The following EEF2 variants were observed in gnomAD, a reference collection of about 807,000 sequenced individuals.
The protein encoded by EEF2 is eukaryotic translation elongation factor 2, also known as elongation factor 2.
EEF2 carries 21 observed loss-of-function variants against 85.3 expected under a neutral mutation model. The observed-to-expected ratio is 0.25, with a 90% CI of 0.17 to 0.35. The LOEUF (loss-of-function observed/expected upper bound fraction) is 0.35, where lower values mean the gene tolerates loss of function less well. EEF2 is among the 10% of genes least tolerant of loss of function. The pLI is 1.00. For synonymous variants in EEF2, 723 were observed against 508.8 expected, an observed-to-expected ratio of 1.42 and a Z score of -5.67; for missense variants, 825 against 1,225.3, an observed-to-expected ratio of 0.67 and a Z score of 4.88.
chr19:3,978,674 A>C (rs1244443414), intron 11 of EEF2, among the ~76,000 whole-genome samples: 2 of 151,670 alleles, frequency 1.3e-5, no homozygotes, highest in African/African-American at 4.8e-5. Context: ...GCATGATGGC[A>C]GGCGCCTGAA....
rs2039753241 is a variant in EEF2, at chr19:3,981,892, A to G, written c.897+55T>C. ...CGACAGGCTACCGGCCGGAGCCCAC[A>G]GGGCCGAGGGCCAATAGTCGCATCG... is the stretch of plus-strand genomic sequence containing the variant. On this transcript the variant is annotated intron_variant, in intron 6 of 14. Transcript: ENST00000309311. 8 of 1,543,338 alleles carry G rather than the reference A, an allele frequency of 5.2e-6. No individual in the cohort carries two copies. The South Asian group carries it at 6.7e-5, about 13-fold the overall frequency.
chr19:3,978,854 G>A (rs1359984063), intron 11 of EEF2, among the ~76,000 whole-genome samples: 1 of 142,728 alleles, frequency 7.0e-6, no homozygotes, highest in Non-Finnish European at 1.5e-5. Context: ...AGGCATGGTG[G>A]CTCACACCTG....
Position 3,976,676 on chromosome 19 carries a change from T to G in EEF2, c.2455A>C (p.Ile819Leu). Residue 819 changes from isoleucine to leucine, a missense_variant, in exon 15 of 15, where the codon ATC becomes CTC. Ile to Leu is a conservative substitution (Grantham distance 5). Transcript: ENST00000309311. ...FPQCVFDHWQILPGDPFDNSS... is the reference protein window; with the variant it reads ...FPQCVFDHWQLLPGDPFDNSS... ...TTGTCGAAGGGGTCTCCGGGCAGGA[T>G]CTGCCAGTGGTCAAACACACACTGG... The G allele has an allele frequency of 4.4e-6, 7 of 1,608,682 alleles. No homozygotes were observed. The highest frequency in any genetic ancestry group is 5.9e-6 in the Non-Finnish European group (7 of 1,178,674).
Position 3,980,969 on chromosome 19 carries a change from C to T in EEF2, c.1022G>A (p.Arg341His). The stretch of plus-strand genomic sequence containing the variant: ...GGCGTCTCCGGCAGGCAGCCAGCGG[C>T]GCATCACAGCCTGCGGGGGCAGAGA... ...EGKPLLKAVM[R>H]RWLPAGDALL... Residue 341 changes from arginine to histidine, a missense_variant, in exon 8 of 15, where the codon CGC (arginine) becomes CAC (histidine). Arg to His is a conservative substitution (Grantham distance 29). Coordinates refer to ENST00000309311, the MANE Select transcript of EEF2 (RefSeq NM_001961.4). The T allele has an allele frequency of 6.4e-7, 1 of 1,572,800 alleles. No individual in the cohort carries two copies. The highest frequency in any genetic ancestry group is 8.6e-7 in the Non-Finnish European group (1 of 1,160,458).
rs780215634 is a variant in EEF2, at chr19:3,980,984, G to A, written c.1012-5C>T. ...CAGCCAGCGGCGCATCACAGCCTGC[G>A]GGGGCAGAGAGCGGTGCATGAGACA... On this transcript the variant is annotated splice_region_variant and splice_polypyrimidine_tract_variant and intron_variant, in intron 7 of 14. Transcript: ENST00000309311. 5.3e-5 allele frequency: 83 copies of A among 1,568,404 alleles called. 1 individual carries two copies. The highest frequency in any genetic ancestry group is 2.0e-4 in the African/African-American group (15 of 74,046).
Position 3,977,105 on chromosome 19 carries a change from C to G in EEF2, c.2383+110G>C. 2 of 1,469,786 alleles carry G rather than the reference C, an allele frequency of 1.4e-6. No homozygotes were observed. The highest frequency in any genetic ancestry group is 1.8e-6 in the Non-Finnish European group (2 of 1,093,264). The allele number at this position is 1,469,786 out of a possible 1,614,324, so 91.0% of individuals were successfully genotyped here. On this transcript the variant is annotated intron_variant, in intron 14 of 14. Transcript: ENST00000309311. The surrounding 1 kb of genome is among the most constrained non-coding windows in gnomAD (Gnocchi z 5.4). Reference sequence around the variant, plus strand: ...AAACTGGACCACCTGCTCCATCCATCACCTGCTCCCATCAGGACGCCTCCT... The same window carrying G: ...AAACTGGACCACCTGCTCCATCCATGACCTGCTCCCATCAGGACGCCTCCT...
At position 3,982,275 on chromosome 19, in the gene EEF2, C is replaced by T. The variant is rs2145364293; in HGVS notation, c.762G>A (p.Glu254=). ...LGPAERAKKV[E]DMMKKLWGDR... ...CACCCCACAGCTTCTTCATCATGTC[C>T]TCTACTTTCTTGGCCCGCTCGGCAG... The change falls in exon 5 of 15, where the codon GAG becomes GAA. Residue 254 remains glutamate, a synonymous_variant. Coordinates refer to ENST00000309311, the MANE Select transcript of EEF2 (RefSeq NM_001961.4). 1 of 1,614,224 alleles carries T rather than the reference C, an allele frequency of 6.2e-7. No homozygotes were observed. Among genetic ancestry groups the T allele is most frequent in the Non-Finnish European group, 8.5e-7 (1 of 1,180,044 alleles).
Position 3,977,354 on chromosome 19 carries a change from G to A in EEF2, c.2251-7C>T, listed in dbSNP as rs763593671. On this transcript the variant is annotated splice_region_variant and splice_polypyrimidine_tract_variant and intron_variant, in intron 13 of 14. Coordinates refer to ENST00000309311, the MANE Select transcript of EEF2 (RefSeq NM_001961.4). The surrounding 1 kb of genome is among the most constrained non-coding windows in gnomAD (Gnocchi z 5.4). The stretch of plus-strand genomic sequence containing the variant: ...CGACCACCTGCTCTGGACACTGCCA[G>A]AAGGGAAAGAAAACCTGTCAGTGGC... 31 of 1,590,462 alleles carry A rather than the reference G, an allele frequency of 1.9e-5. No individual in the cohort carries two copies. The highest frequency in any genetic ancestry group is 1.7e-4 in the Middle Eastern group (1 of 6,032).
chr19:3,984,429 A>C, intron 1 of EEF2, 79 bp from the exon 2 acceptor site: 2 of 1,480,898 alleles, frequency 1.4e-6, no homozygotes, highest in South Asian at 1.2e-5. Context: ...GTCCAAACGA[A>C]CCAGCATGCC....
At position 3,977,624 on chromosome 19, in the gene EEF2, A is replaced by G. The variant is rs1368994632; in HGVS notation, c.2068-14T>C. The G allele has an allele frequency of 2.0e-6, 3 of 1,502,422 alleles. No individual in the cohort carries two copies. Among genetic ancestry groups the G allele is most frequent in the South Asian group, 1.3e-5 (1 of 76,266 alleles). The allele number at this position is 1,502,422 out of a possible 1,614,324, so 93.1% of individuals were successfully genotyped here. A position where few individuals can be genotyped will look rare whatever the true frequency, so the allele number is the denominator to read the frequency against. On this transcript the variant is annotated splice_polypyrimidine_tract_variant and intron_variant, in intron 12 of 14. Coordinates refer to ENST00000309311, the MANE Select transcript of EEF2 (RefSeq NM_001961.4). This position sits in a 1 kb window ranked among gnomAD's most constrained non-coding sequence, Gnocchi z 5.4. ...ACACAGTGCGCCCTGGGGGAGGGGG[A>G]GAGCCACCGTCAAGGGCCGGACACA... is the stretch of plus-strand genomic sequence containing the variant.
At chr19:3,979,074 G>A (rs923642140) in intron 11 of EEF2, among the ~76,000 whole-genome samples, 1 of 152,074 alleles carries the variant, frequency 6.6e-6, no homozygotes, top group Non-Finnish European at 1.5e-5. Flanking sequence ...GGAGGTTCTA[G>A]CGAGCCAAGA....
rs1456812799 is a variant in EEF2, at chr19:3,984,125, A to C, written c.218+11T>G. 6.2e-7 allele frequency: 1 copy of C among 1,613,202 alleles called. No homozygotes were observed. The highest frequency in any genetic ancestry group is 2.2e-5 in the East Asian group (1 of 44,878). On this transcript the variant is annotated intron_variant, in intron 2 of 14. Coordinates refer to ENST00000309311, the MANE Select transcript of EEF2 (RefSeq NM_001961.4). ...CTCCCTGCCTGGGTACAGAGGGCAC[A>C]GGGAGCTCACGTTGACTTGATGGTG...
chr19:3,979,265 G>C lies in EEF2; in HGVS notation c.1713+64C>G. On this transcript the variant is annotated intron_variant, in intron 11 of 14. Transcript: ENST00000309311. ...CGTCTGCAGAGCCTAGCTCAGCTCA[G>C]CTTTAAAGCAGAGGGCAGGTGTCCG... 6 of 1,341,418 alleles carry C rather than the reference G, an allele frequency of 4.5e-6. No individual in the cohort carries two copies. In the South Asian group the frequency reaches 7.1e-5, roughly 16 times the overall value. The allele number at this position is 1,341,418 out of a possible 1,614,324, so 83.1% of individuals were successfully genotyped here.
chr19:3,983,401 A>G, intron 2 of EEF2, 110 bp from the exon 3 acceptor site: 3 of 1,235,890 alleles, frequency 2.4e-6, no homozygotes, highest in Non-Finnish European at 3.3e-6. Context: ...TCATCCCTGG[A>G]GAGGCTCCCA....
At chr19:3,984,932 T>G in intron 1 of EEF2, 1 of 182,302 alleles carries the variant, frequency 5.5e-6, no homozygotes. Flanking sequence ...CAGGAGAAGG[T>G]ATTTGGAAGG....
chr19:3,985,373 C>G lies in EEF2; in HGVS notation c.3+5G>C. On this transcript the variant is annotated splice_donor_5th_base_variant and intron_variant, in intron 1 of 14. Transcript: ENST00000309311. The stretch of plus-strand genomic sequence containing the variant: ...CCGGGGCACCAGCGAGGCAGGGTTA[C>G]TCACCATGGTGGCGGATGGCGGTGG... 6.6e-7 allele frequency: 1 copy of G among 1,510,538 alleles called. No homozygotes were observed. The highest frequency in any genetic ancestry group is 1.3e-5 in the South Asian group (1 of 79,324). The allele number at this position is 1,510,538 out of a possible 1,614,324, so 93.6% of individuals were successfully genotyped here.
chr19:3,984,403 T>G, intron 1 of EEF2, 53 bp from the exon 2 acceptor site: 2 of 1,584,778 alleles, frequency 1.3e-6, no homozygotes, highest in South Asian at 2.2e-5. Flanking sequence ...GAACACAGCA[T>G]GGCACGGAGC....
chr19:3,978,297 G>C (rs1031985273), intron 11 of EEF2, 125 bp from the exon 12 acceptor site: 16 of 762,168 alleles, frequency 2.1e-5, no homozygotes, highest in South Asian at 5.0e-5. Context: ...ACGTCAATCA[G>C]AACGAAGCGG....
chr19:3,982,658 T>G, intron 4 of EEF2, 149 bp downstream of exon 4: 2 of 1,124,540 alleles, frequency 1.8e-6, no homozygotes, highest in South Asian at 2.8e-5. Context: ...CTGGGTCAAG[T>G]CGGATGAAAA....
Sources: allele counts gnomAD v4.1 joint callset (sites outside exome capture counted in the v4.1 genomes callset), GRCh38; gene constraint gnomAD v4.1.1; non-coding constraint Gnocchi (gnomAD v3.1); transcripts MANE v1.5; gene names NCBI Gene and HGNC (gene_info 2026-07-23, HGNC 2026-07-21).